ACSS2: variants seen among roughly 807,000 people sequenced by gnomAD.
ACSS2 encodes acetyl-coenzyme A synthetase, cytoplasmic.
In ACSS2, 58 loss-of-function variants were observed where a neutral mutation model predicts 90.6. The observed-to-expected ratio is 0.64, with a 90% CI of 0.52 to 0.80. ACSS2 has a LOEUF of 0.80. Among genes scored for constraint, ACSS2 ranks in the 30% least tolerant of loss-of-function variants. ACSS2 has a pLI of 0.00. For synonymous variants in ACSS2, 300 were observed against 330.9 expected, an observed-to-expected ratio of 0.91 and a Z score of 1.01; for missense variants, 759 against 912.0, an observed-to-expected ratio of 0.83 and a Z score of 2.16.
chr20:34,911,345 A>C (rs879342738), intron 2 of ACSS2, among the ~76,000 whole-genome samples: 3 of 151,268 alleles, frequency 2.0e-5, no homozygotes, highest in Admixed American at 2.0e-4. Flanking sequence ...GCACTACCAC[A>C]CCCAGCTGAT....
Position 34,921,051 on chromosome 20 carries a change from A to G in ACSS2, c.1189A>G (p.Ile397Val). 6.2e-7 allele frequency: 1 copy of G among 1,613,600 alleles called. No individual in the cohort carries two copies. The highest frequency in any genetic ancestry group is 8.5e-7 in the Non-Finnish European group (1 of 1,179,866). Reference protein sequence around the residue: ...TYPDVNRLWSIVDKYKVTKFY... With the variant: ...TYPDVNRLWSVVDKYKVTKFY... Reference sequence around the variant, plus strand: ...TCCGGACGTGAACCGCCTGTGGAGCATTGTGGACAAATACAAGGTGACCAA... The same window carrying G: ...TCCGGACGTGAACCGCCTGTGGAGCGTTGTGGACAAATACAAGGTGACCAA... Residue 397 changes from isoleucine (I) to valine (V), a missense_variant, in exon 10 of 18, where the codon ATT becomes GTT. Transcript: ENST00000360596.
At chr20:34,922,001 ACT>A in intron 13 of ACSS2, 135 bp downstream of exon 13, 2 of 1,477,084 alleles carry the variant, frequency 1.4e-6, no homozygotes, top group Non-Finnish European at 1.8e-6. Flanking sequence ...AGGTTTGCTC[ACT>A]GAGAGACCCT....
chr20:34,910,999 AT>A (rs879824461), intron 2 of ACSS2, among the ~76,000 whole-genome samples: 216 of 142,154 alleles, frequency 1.5e-3, no homozygotes, highest in Middle Eastern at 3.6e-3. Flanking sequence ...ATTGAAAACG[AT>A]TTTTTTTTTT....
chr20:34,907,621 G>A (rs1440633015), intron 2 of ACSS2, among the ~76,000 whole-genome samples: 3 of 152,212 alleles, frequency 2.0e-5, no homozygotes, highest in East Asian at 1.9e-4. Flanking sequence ...ACAAGTGAGC[G>A]CACATAGGTG....
intron 2 of ACSS2, among the ~76,000 whole-genome samples, chr20:34,910,207 G>A (rs2080918622): frequency 6.6e-6 from 1 of 151,932 alleles, no homozygotes; most frequent in South Asian, 2.1e-4. Context: ...TATCTCAAGG[G>A]TCTTATTAAA....
chr20:34,920,443 C>G, intron 8 of ACSS2, 96 bp from the exon 9 acceptor site: 2 of 1,274,766 alleles, frequency 1.6e-6, no homozygotes, highest in South Asian at 1.4e-5. Context: ...GGCTGGAATC[C>G]CTGAGGAGGA....
intron 1 of ACSS2, 66 bp from the exon 2 acceptor site, chr20:34,882,728 T>C: frequency 6.6e-7 from 1 of 1,513,826 alleles, no homozygotes; most frequent in Non-Finnish European, 9.1e-7. Context: ...TATAGACTGG[T>C]AAGCCTTCTG....
upstream of ACSS2, chr20:34,875,067 G>T (rs553504758): frequency 1.9e-6 from 1 of 534,730 alleles, no homozygotes; most frequent in Admixed American, 1.9e-5. Flanking sequence ...AGATATTTAA[G>T]AATCCTTCCT....
intron 2 of ACSS2, among the ~76,000 whole-genome samples, chr20:34,912,007 A>G (rs1182047644): frequency 6.6e-6 from 1 of 151,040 alleles, no homozygotes; most frequent in East Asian, 2.0e-4. Context: ...TAGTAGAGGC[A>G]TGGTTTCACC....
intron 14 of ACSS2, among the ~76,000 whole-genome samples, chr20:34,924,357 A>G (rs900446597): frequency 6.6e-6 from 1 of 152,252 alleles, no homozygotes; most frequent in Non-Finnish European, 1.5e-5. Flanking sequence ...CTGTTAAGAA[A>G]AATAAACAGG....
intron 2 of ACSS2, among the ~76,000 whole-genome samples, chr20:34,906,075 C>T (rs1186683352): frequency 6.6e-6 from 1 of 152,188 alleles, no homozygotes; most frequent in Non-Finnish European, 1.5e-5. Flanking sequence ...GTGGCTCACA[C>T]CTGTAATCCC....
intron 7 of ACSS2, chr20:34,915,392 A>G: frequency 1.1e-6 from 1 of 948,442 alleles, no homozygotes; most frequent in Admixed American, 1.9e-5. Flanking sequence ...GCAACTTGAC[A>G]TCTAAGCCAC....
intron 7 of ACSS2, chr20:34,915,374 G>A (rs1199973297): frequency 8.3e-7 from 1 of 1,205,580 alleles, no homozygotes; most frequent in East Asian, 2.4e-5. Context: ...CCTTCCCCTT[G>A]CCCCTGGGCA....
upstream of ACSS2, chr20:34,875,796 A>T (rs2079894135): frequency 6.5e-6 from 1 of 152,756 alleles, no homozygotes; most frequent in Non-Finnish European, 1.5e-5. Flanking sequence ...AGGTGGGCTT[A>T]TTACAAAAAA....
intron 6 of ACSS2, 32 bp downstream of exon 6, chr20:34,914,203 T>C: frequency 6.2e-7 from 1 of 1,613,134 alleles, no homozygotes; most frequent in South Asian, 1.1e-5. Context: ...CTGAGTTGAC[T>C]GAGCCTTTCC....
In ACSS2 at chr20:34,877,818, C is replaced by CAAA. The variant is rs60819156; in HGVS notation, c.178+1024_178+1026dup. 3.4e-3 allele frequency among the ~76,000 whole-genome samples: 310 copies of CAAA among 91,150 alleles called. 2 individuals are homozygous for CAAA. The highest frequency in any genetic ancestry group is 5.2e-3 in the Non-Finnish European group (259 of 49,706). The allele number at this position is 91,150 out of a possible 152,430, so 59.8% of individuals were successfully genotyped here. On this transcript the variant is annotated intron_variant, in intron 1 of 17. Transcript: ENST00000360596. ...TGGGCGACAGAGCAAGACTTTGTCT[C>CAAA]AAAAAAAAAAAAAAAAAAAAAAAAA...
At chr20:34,895,508 T>C (rs1172084228) in intron 2 of ACSS2, among the ~76,000 whole-genome samples, 1 of 152,236 alleles carries the variant, frequency 6.6e-6, no homozygotes, top group Non-Finnish European at 1.5e-5. Flanking sequence ...ATGAGTTTGT[T>C]ACGTGGATGA....
chr20:34,884,581 A>G (rs1165907929), intron 2 of ACSS2, among the ~76,000 whole-genome samples: 2 of 152,210 alleles, frequency 1.3e-5, no homozygotes, highest in Non-Finnish European at 2.9e-5. Context: ...AACACTGTAT[A>G]GGTGTGAGTG....
chr20:34,921,692 A>G (rs2081203752), intron 12 of ACSS2, 92 bp downstream of exon 12: 2 of 1,588,040 alleles, frequency 1.3e-6, no homozygotes, highest in South Asian at 1.1e-5. Context: ...CTGGACTGAC[A>G]TGTGTGAAGA....
Sources: gnomAD v4.1 joint callset for allele counts (sites outside exome capture counted in the v4.1 genomes callset) on GRCh38, gnomAD v4.1.1 for gene constraint, MANE v1.5 for transcripts, NCBI Gene and HGNC (gene_info 2026-07-23, HGNC 2026-07-21) for gene names.